Variants in TMEM164 observed in about 807,000 individuals in gnomAD.
The protein encoded by TMEM164 is transmembrane protein 164.
TMEM164 carries 4 observed loss-of-function variants against 18.8 expected under a neutral mutation model. The ratio of observed to expected loss-of-function variants is 0.21; its 90% CI spans 0.10 to 0.49. The LOEUF is 0.49. TMEM164 is among the 20% of genes least tolerant of loss of function. The pLI is 0.98. For missense variants in TMEM164, 108 were observed against 239.9 expected, an observed-to-expected ratio of 0.45 and a Z score of 3.63; for synonymous variants, 86 against 101.7, an observed-to-expected ratio of 0.85 and a Z score of 0.93.
chrX:110,063,862 C>G (rs1346426373), intron 2 of TMEM164, among the ~76,000 whole-genome samples: 1 of 110,940 alleles, frequency 9.0e-6, no homozygotes, highest in Non-Finnish European at 1.9e-5. Context: ...GCTGATGGCA[C>G]AGGTGTGGGG....
chrX:110,122,458 G>T (rs968988968), intron 4 of TMEM164, among the ~76,000 whole-genome samples: 2 of 103,096 alleles, frequency 1.9e-5, no homozygotes, highest in Non-Finnish European at 4.0e-5. Context: ...ATAGCTTTAG[G>T]AGATATACCT....
intron 2 of TMEM164, among the ~76,000 whole-genome samples, chrX:110,014,905 T>A (rs1015515580): frequency 9.1e-6 from 1 of 109,365 alleles, no homozygotes; most frequent in African/African-American, 3.4e-5. Flanking sequence ...AGTGAACAAG[T>A]ATCTTAGCTG....
chrX:110,131,620 T>C (rs2066612990), intron 4 of TMEM164, among the ~76,000 whole-genome samples: 1 of 110,665 alleles, frequency 9.0e-6, no homozygotes, highest in African/African-American at 3.4e-5. Context: ...CAGGCACAGT[T>C]TGGCCTCCAC....
intron 2 of TMEM164, among the ~76,000 whole-genome samples, chrX:110,017,605 T>G (rs1193293995): frequency 1.0e-5 from 1 of 95,323 alleles, no homozygotes; most frequent in Non-Finnish European, 2.1e-5. Flanking sequence ...GTTTCACTCT[T>G]GTTGCCCAGG....
intron 2 of TMEM164, among the ~76,000 whole-genome samples, chrX:110,065,873 A>C (rs1163857709): frequency 5.3e-5 from 6 of 112,248 alleles, no homozygotes; most frequent in Non-Finnish European, 1.1e-4. Flanking sequence ...ACCTCAATTC[A>C]AGTCGTATTT....
At chrX:110,105,754 A>C (rs1383418990) in intron 3 of TMEM164, among the ~76,000 whole-genome samples, 23 of 25,535 alleles carry the variant, frequency 9.0e-4, no homozygotes, top group African/African-American at 6.2e-3. Context: ...AGAGAATGAG[A>C]GAGAGAGAGA....
chrX:110,118,555 T>C (rs2147999859), intron 4 of TMEM164, among the ~76,000 whole-genome samples: 1 of 111,514 alleles, frequency 9.0e-6, no homozygotes, highest in East Asian at 2.8e-4. Context: ...GCCATTCTCA[T>C]TATTCCCGAG....
chrX:110,003,719 T>C lies in TMEM164; in HGVS notation c.-56T>C. 1 of 1,145,116 alleles carries C rather than the reference T, an allele frequency of 8.7e-7. No individual in the cohort carries two copies. The highest frequency in any genetic ancestry group is 1.8e-5 in the African/African-American group (1 of 55,537). 94.4% of individuals were successfully genotyped at this position (1,145,116 alleles called of 1,213,427 possible). On this transcript the variant is annotated 5_prime_UTR_variant, in exon 2 of 7. Coordinates refer to ENST00000372068, the MANE Select transcript of TMEM164 (RefSeq NM_032227.4). Reference sequence around the variant, plus strand: ...CCACCACCCGGGCAACCCTCTGGGCTTGTGTTCCATCTCACTCTTGCTTCC... The same window carrying C: ...CCACCACCCGGGCAACCCTCTGGGCCTGTGTTCCATCTCACTCTTGCTTCC...
intron 2 of TMEM164, among the ~76,000 whole-genome samples, chrX:110,004,595 A>G (rs5942872): frequency 0.012 from 1,307 of 111,430 alleles, 11 homozygotes; most frequent in Non-Finnish European, 0.02. Context: ...AGGTGGTCGC[A>G]TAAACTTTCT....
At chrX:110,159,489 G>A (rs961883833) in intron 5 of TMEM164, among the ~76,000 whole-genome samples, 7 of 110,863 alleles carry the variant, frequency 6.3e-5, no homozygotes, top group East Asian at 2.8e-4. Context: ...TGGTTAGTGC[G>A]GTGGAGTAGA....
chrX:110,137,109 T>C (rs2066701657), intron 4 of TMEM164, among the ~76,000 whole-genome samples: 1 of 112,106 alleles, frequency 8.9e-6, no homozygotes, highest in South Asian at 3.7e-4. Context: ...ATTTTATAAT[T>C]TACAGTTATA....
At chrX:110,070,211 G>A (rs911964197) in intron 3 of TMEM164, among the ~76,000 whole-genome samples, 3 of 111,206 alleles carry the variant, frequency 2.7e-5, no homozygotes. Context: ...AGCTACTCAG[G>A]AAGCTGAGGC....
intron 5 of TMEM164, among the ~76,000 whole-genome samples, chrX:110,161,545 A>T (rs147227897): frequency 4.0e-3 from 451 of 112,095 alleles, no homozygotes; most frequent in Admixed American, 6.2e-3. Context: ...GTCCCTGCTG[A>T]GGAAGAAGTG....
At chrX:110,108,125 T>TGTGTGTGTGTGTGTGA (rs1444288844) in intron 3 of TMEM164, among the ~76,000 whole-genome samples, 14 of 102,788 alleles carry the variant, frequency 1.4e-4, no homozygotes, top group African/African-American at 4.9e-4. Context: ...TGTGTGTGTG[T>TGTGTGTGTGTGTGTGA]GATTGAGATT....
rs1004200150 is a variant in TMEM164, at chrX:110,073,849, T to C, written c.440+6453T>C. On this transcript the variant is annotated intron_variant, in intron 3 of 6. Transcript: ENST00000372068. ...TTCAAATTTTTAATAATAGCCGTTC[T>C]GATTGGTGTGAGATGATATGTCATT... 5.4e-5 allele frequency among the ~76,000 whole-genome samples: 6 copies of C among 111,203 alleles called. No homozygotes were observed. In the Admixed American group the frequency reaches 5.8e-4, roughly 11 times the overall value.
chrX:110,119,717 G>A (rs1289141384), intron 4 of TMEM164, among the ~76,000 whole-genome samples: 1 of 111,306 alleles, frequency 9.0e-6, no homozygotes, highest in African/African-American at 3.3e-5. Flanking sequence ...GAACGGAGAT[G>A]ATGTGTGGTA....
chrX:110,057,523 G>A (rs1392739850), intron 2 of TMEM164, among the ~76,000 whole-genome samples: 1 of 108,858 alleles, frequency 9.2e-6, no homozygotes, highest in Non-Finnish European at 1.9e-5. Context: ...TTCCAGAAGT[G>A]GGATTGCTGT....
rs181462127 is a variant in TMEM164, at chrX:110,091,195, T to C, written c.441-17885T>C. Among the ~76,000 whole-genome samples, 132 of 112,590 alleles carry C rather than the reference T, an allele frequency of 1.2e-3. 1 individual carries two copies. Among genetic ancestry groups the C allele is most frequent in the Admixed American group, 2.4e-3 (25 of 10,633 alleles). On this transcript the variant is annotated intron_variant, in intron 3 of 6. Coordinates refer to ENST00000372068, the MANE Select transcript of TMEM164 (RefSeq NM_032227.4). Reference sequence around the variant, plus strand: ...ATGTGCATGTGTCTTTATAGCAGCATGATTTATAATCCTTTGGGTATACAC... The same window carrying C: ...ATGTGCATGTGTCTTTATAGCAGCACGATTTATAATCCTTTGGGTATACAC...
At chrX:110,059,880 T>C (rs911953591) in intron 2 of TMEM164, among the ~76,000 whole-genome samples, 2 of 111,058 alleles carry the variant, frequency 1.8e-5, no homozygotes, top group Non-Finnish European at 3.8e-5. Context: ...ACTGGATACT[T>C]GGAGATCAGA....
Sources: gnomAD v4.1 joint callset for allele counts (sites outside exome capture counted in the v4.1 genomes callset) on GRCh38, gnomAD v4.1.1 for gene constraint, MANE v1.5 for transcripts, NCBI Gene and HGNC (gene_info 2026-07-23, HGNC 2026-07-21) for gene names.